Variants in CSRNP3 observed in about 807,000 individuals in gnomAD.
The protein encoded by CSRNP3 is cysteine and serine rich nuclear protein 3, also known as cysteine/serine-rich nuclear protein 3.
A neutral mutation model predicts 48.0 loss-of-function variants in CSRNP3; 12 were observed. The ratio of observed to expected loss-of-function variants is 0.25; its 90% CI spans 0.16 to 0.41. The LOEUF is 0.41. Among genes scored for constraint, CSRNP3 ranks in the 10% least tolerant of loss-of-function variants. The probability of loss-of-function intolerance (pLI) is 1.00; values close to 1 mark genes in which losing one functional copy is unlikely to be tolerated. For missense variants in CSRNP3, 580 were observed against 724.4 expected (o/e 0.80, Z 2.29); for synonymous variants, 263 against 269.7 (o/e 0.98, Z 0.24).
intron 4 of CSRNP3, among the ~76,000 whole-genome samples, chr2:165,615,427 C>G (rs1475572792): frequency 2.6e-5 from 4 of 151,776 alleles, no homozygotes. Context: ...CTTGTAGTCT[C>G]AGATACTCAG....
At chr2:165,587,177 A>G (rs182820687) in intron 3 of CSRNP3, among the ~76,000 whole-genome samples, 3 of 152,370 alleles carry the variant, frequency 2.0e-5, no homozygotes, top group Admixed American at 2.0e-4. Context: ...ATGTTAGTGA[A>G]GAATAACAGA....
chr2:165,487,698 C>A (rs1161171572), intron 1 of CSRNP3, among the ~76,000 whole-genome samples: 9 of 146,668 alleles, frequency 6.1e-5, no homozygotes, highest in Admixed American at 6.1e-4. Context: ...CCAAGCTAAG[C>A]TTCATAAGTG....
intron 4 of CSRNP3, among the ~76,000 whole-genome samples, chr2:165,612,005 T>A (rs1686146217): frequency 6.6e-6 from 1 of 152,126 alleles, no homozygotes. Flanking sequence ...AGTAAAAACA[T>A]TTATAATTTA....
At chr2:165,500,443 GTATATATA>G (rs34901472) in intron 2 of CSRNP3, among the ~76,000 whole-genome samples, 2 of 142,834 alleles carry the variant, frequency 1.4e-5, no homozygotes, top group Admixed American at 7.1e-5. Context: ...ACACACACGT[GTATATATA>G]TATATATATA....
intron 2 of CSRNP3, among the ~76,000 whole-genome samples, chr2:165,497,746 A>G (rs1336189941): frequency 6.6e-6 from 1 of 152,060 alleles, no homozygotes; most frequent in Non-Finnish European, 1.5e-5. Context: ...ATTTGACAAG[A>G]ATCAAAATGT....
At chr2:165,645,939 T>A (rs1686804493) in intron 4 of CSRNP3, among the ~76,000 whole-genome samples, 1 of 152,048 alleles carries the variant, frequency 6.6e-6, no homozygotes, top group African/African-American at 2.4e-5. Context: ...GAGACAGGGT[T>A]TCACCATATT....
intron 2 of CSRNP3, among the ~76,000 whole-genome samples, chr2:165,515,351 A>ATATATC (rs1360134689): frequency 6.7e-6 from 1 of 150,176 alleles, no homozygotes; most frequent in African/African-American, 2.4e-5. Context: ...ATATATATAT[A>ATATATC]TATATCTGTA....
intron 5 of CSRNP3, among the ~76,000 whole-genome samples, chr2:165,668,401 CTT>C (rs71393687): frequency 8.1e-5 from 9 of 111,496 alleles, no homozygotes; most frequent in African/African-American, 2.8e-4. Flanking sequence ...TTCTTTCTTT[CTT>C]TTTTTTTTTT....
intron 4 of CSRNP3, among the ~76,000 whole-genome samples, chr2:165,634,651 G>T (rs1271628144): frequency 6.6e-6 from 1 of 152,214 alleles, no homozygotes; most frequent in Admixed American, 6.5e-5. Flanking sequence ...AAAGGGATAT[G>T]AATAGCAACC....
At chr2:165,545,089 A>G (rs911156082) in intron 3 of CSRNP3, among the ~76,000 whole-genome samples, 2 of 152,194 alleles carry the variant, frequency 1.3e-5, no homozygotes, top group African/African-American at 4.8e-5. Flanking sequence ...GGGTAATAAA[A>G]GGGGAACTGA....
chr2:165,586,588 C>T (rs1258351102), intron 3 of CSRNP3, among the ~76,000 whole-genome samples: 8 of 152,052 alleles, frequency 5.3e-5, no homozygotes, highest in Admixed American at 4.6e-4. Flanking sequence ...TTCTGCAAAT[C>T]GTGTTACCTG....
Position 165,657,885 on chromosome 2 carries a change from C to T in CSRNP3, c.273C>T (p.Thr91=), listed in dbSNP as rs781473977. 1.9e-6 allele frequency: 3 copies of T among 1,613,910 alleles called. No homozygotes were observed. The highest frequency in any genetic ancestry group is 4.5e-5 in the East Asian group (2 of 44,838). The change falls in exon 5 of 7, where the codon ACC becomes ACT. Residue 91 remains threonine (T), a synonymous_variant. Transcript: ENST00000651982. ...FTSVPSQGGS[T]LGMSSRHNSV... is the part of the protein sequence containing the mutation. ...GTGTGCCCAGTCAAGGGGGAAGCAC[C>T]CTGGGGATGTCCAGCCGCCATAACA...
intron 3 of CSRNP3, among the ~76,000 whole-genome samples, chr2:165,535,933 T>A (rs952150793): frequency 6.6e-6 from 1 of 151,838 alleles, no homozygotes. Context: ...GATTTGAAAA[T>A]TTCTGTTTCC....
chr2:165,509,785 T>C (rs781162767), intron 2 of CSRNP3, among the ~76,000 whole-genome samples: 39 of 152,100 alleles, frequency 2.6e-4, no homozygotes, highest in Non-Finnish European at 4.9e-4. Context: ...ACTCTTCAGC[T>C]TTCACATTTT....
chr2:165,471,364 C>T (rs1574789383), intron 1 of CSRNP3, among the ~76,000 whole-genome samples: 1 of 151,716 alleles, frequency 6.6e-6, no homozygotes, highest in Admixed American at 6.6e-5. Flanking sequence ...ACCCCTCACC[C>T]CAAGATTGAA....
chr2:165,511,393 A>G (rs1430113248), intron 2 of CSRNP3, among the ~76,000 whole-genome samples: 1 of 152,184 alleles, frequency 6.6e-6, no homozygotes, highest in African/African-American at 2.4e-5. Flanking sequence ...GGCATAATCT[A>G]GTAAAATGGA....
intron 2 of CSRNP3, among the ~76,000 whole-genome samples, chr2:165,513,643 G>A (rs147029873): frequency 6.6e-6 from 1 of 152,298 alleles, no homozygotes; most frequent in East Asian, 1.9e-4. Flanking sequence ...GACCTTCAGT[G>A]ATCTCAGTGC....
At chr2:165,630,904 C>T (rs1686523489) in intron 4 of CSRNP3, among the ~76,000 whole-genome samples, 2 of 152,090 alleles carry the variant, frequency 1.3e-5, no homozygotes, top group African/African-American at 2.4e-5. Context: ...AAGAGACATA[C>T]AGAGATTTGT....
intron 2 of CSRNP3, among the ~76,000 whole-genome samples, chr2:165,502,221 TA>T (rs1387786788): frequency 6.6e-6 from 1 of 151,956 alleles, no homozygotes; most frequent in Non-Finnish European, 1.5e-5. Flanking sequence ...TCTACTGACA[TA>T]AAAATATATT....
Sources: allele counts gnomAD v4.1 joint callset (sites outside exome capture counted in the v4.1 genomes callset), GRCh38; gene constraint gnomAD v4.1.1; transcripts MANE v1.5; gene names NCBI Gene and HGNC (gene_info 2026-07-23, HGNC 2026-07-21).